Variants in ANO10 observed in about 807,000 individuals in gnomAD.
ANO10 encodes anoctamin 10.
A neutral mutation model predicts 74.7 loss-of-function variants in ANO10; 77 were observed. The observed-to-expected ratio is 1.03, with a 90% confidence interval of 0.86 to 1.25. The LOEUF (loss-of-function observed/expected upper bound fraction) is 1.25. ANO10 is among the 50% of genes most tolerant of loss of function. The pLI, the probability that ANO10 is intolerant of heterozygous loss-of-function variation, is 0.00. For missense variants in ANO10, 721 were observed against 778.1 expected (o/e 0.93, Z 0.87); for synonymous variants, 279 against 284.9 (o/e 0.98, Z 0.21).
chr3:43,670,033 A>G (rs1450884647), intron 1 of ANO10, among the ~76,000 whole-genome samples: 2 of 151,800 alleles, frequency 1.3e-5, no homozygotes, highest in African/African-American at 2.4e-5. Context: ...TTTTTAGTTT[A>G]TTTTTAAATA....
intron 11 of ANO10, among the ~76,000 whole-genome samples, chr3:43,457,787 C>T (rs894067105): frequency 6.6e-6 from 1 of 152,180 alleles, no homozygotes; most frequent in African/African-American, 2.4e-5. Context: ...AGGAGGAGAT[C>T]AGTACCAGGT....
chr3:43,424,869 G>A (rs1389243684), intron 12 of ANO10: 1 of 152,182 alleles, frequency 6.6e-6, no homozygotes, highest in African/African-American at 2.4e-5. Flanking sequence ...GTGGTGACAG[G>A]GCTGGAAGAC....
intron 1 of ANO10, among the ~76,000 whole-genome samples, chr3:43,689,792 C>A (rs540416755): frequency 6.6e-6 from 1 of 152,248 alleles, no homozygotes; most frequent in South Asian, 2.1e-4. Flanking sequence ...GGAAGGAGAA[C>A]AATGAACTGA....
intron 1 of ANO10, among the ~76,000 whole-genome samples, chr3:43,632,356 G>C (rs1338999193): frequency 1.3e-5 from 2 of 152,216 alleles, no homozygotes; most frequent in African/African-American, 2.4e-5. Flanking sequence ...AGTGAGGTCA[G>C]AGTATTTGTT....
intron 12 of ANO10, among the ~76,000 whole-genome samples, chr3:43,370,375 G>T (rs2091565205): frequency 1.3e-5 from 2 of 152,210 alleles, no homozygotes; most frequent in African/African-American, 4.8e-5. Context: ...GCAAGTCTCT[G>T]ATTTGTTGTC....
At chr3:43,544,575 T>C (rs927466900) in intron 11 of ANO10, among the ~76,000 whole-genome samples, 2 of 151,996 alleles carry the variant, frequency 1.3e-5, no homozygotes, top group Non-Finnish European at 2.9e-5. Context: ...GGCAGATCAC[T>C]TGAGGTCAGG....
chr3:43,688,944 G>A (rs1033992179), intron 1 of ANO10, among the ~76,000 whole-genome samples: 1 of 152,112 alleles, frequency 6.6e-6, no homozygotes, highest in African/African-American at 2.4e-5. Context: ...GTATCAGCTT[G>A]GCTTCTGGAA....
In ANO10 at chr3:43,657,598, G is replaced by A. The variant is rs558646068; in HGVS notation, c.-12+33919C>T. Among the ~76,000 whole-genome samples the A allele has an allele frequency of 3.3e-5, 5 of 152,334 alleles. No homozygotes were observed. The South Asian group carries it at 8.3e-4, about 25-fold the overall frequency. On this transcript the variant is annotated intron_variant, in intron 1 of 3. Coordinates refer to the ANO10 transcript ENST00000413397. ...CTTCTTGGAATATGAATCTTGAACTGAGGAATAAAGAGACAGAAAACTAGT... is the reference window on the plus strand; with the variant it reads ...CTTCTTGGAATATGAATCTTGAACTAAGGAATAAAGAGACAGAAAACTAGT...
intron 12 of ANO10, among the ~76,000 whole-genome samples, chr3:43,399,286 T>C (rs753471895): frequency 9.9e-5 from 15 of 152,274 alleles, no homozygotes; most frequent in South Asian, 2.1e-4. Flanking sequence ...TTGACAATCA[T>C]GCTTTTAGTT....
At chr3:43,661,971 C>T (rs1016608636) in intron 1 of ANO10, among the ~76,000 whole-genome samples, 2 of 152,008 alleles carry the variant, frequency 1.3e-5, no homozygotes, top group African/African-American at 4.8e-5. Flanking sequence ...ACTGTAACAC[C>T]CCACTGTCAA....
chr3:43,551,560 T>G (rs1259941513), intron 10 of ANO10: 8 of 457,134 alleles, frequency 1.8e-5, no homozygotes, highest in South Asian at 1.2e-4. Flanking sequence ...CAGCCCTCTC[T>G]TTACACCTGT....
chr3:43,591,932 G>A (rs1003587026), intron 4 of ANO10, among the ~76,000 whole-genome samples: 2 of 152,164 alleles, frequency 1.3e-5, no homozygotes, highest in Non-Finnish European at 2.9e-5. Flanking sequence ...CTTAGCAAAC[G>A]GCACACCAGG....
intron 12 of ANO10, among the ~76,000 whole-genome samples, chr3:43,375,197 G>A (rs1162391623): frequency 6.6e-6 from 1 of 151,994 alleles, no homozygotes; most frequent in Non-Finnish European, 1.5e-5. Flanking sequence ...GGTAATCCCA[G>A]CACTTTGGGA....
intron 11 of ANO10, among the ~76,000 whole-genome samples, chr3:43,541,325 G>T (rs913840218): frequency 6.6e-6 from 1 of 152,180 alleles, no homozygotes; most frequent in Non-Finnish European, 1.5e-5. Flanking sequence ...GCCAGGCACT[G>T]TACTAAACAT....
chr3:43,417,499 G>C (rs978629072), intron 12 of ANO10, among the ~76,000 whole-genome samples: 1 of 152,056 alleles, frequency 6.6e-6, no homozygotes, highest in African/African-American at 2.4e-5. Flanking sequence ...TTTCCTCTCG[G>C]AAGTCCCCTC....
At chr3:43,546,947 T>C (rs982639780) in intron 11 of ANO10, among the ~76,000 whole-genome samples, 3 of 152,068 alleles carry the variant, frequency 2.0e-5, no homozygotes, top group Non-Finnish European at 2.9e-5. Context: ...AAGCTGAGCA[T>C]GCCCCAAATG....
chr3:43,687,446 G>A (rs1320610353), intron 1 of ANO10, among the ~76,000 whole-genome samples: 1 of 152,234 alleles, frequency 6.6e-6, no homozygotes, highest in African/African-American at 2.4e-5. Context: ...TACTATTGGA[G>A]GGCTGGAAAT....
chr3:43,667,383 C>T (rs985169864), intron 1 of ANO10, among the ~76,000 whole-genome samples: 2 of 152,036 alleles, frequency 1.3e-5, no homozygotes, highest in African/African-American at 2.4e-5. Context: ...GCCACTGCAC[C>T]CAGCCCAATC....
At chr3:43,518,496 T>C (rs1209785092) in intron 11 of ANO10, among the ~76,000 whole-genome samples, 1 of 152,162 alleles carries the variant, frequency 6.6e-6, no homozygotes, top group Non-Finnish European at 1.5e-5. Flanking sequence ...TGGCTGCGAT[T>C]TTCAGGGAAC....
Sources: gnomAD v4.1 joint callset for allele counts (sites outside exome capture counted in the v4.1 genomes callset) on GRCh38, gnomAD v4.1.1 for gene constraint, MANE v1.5 for transcripts, NCBI Gene and HGNC (gene_info 2026-07-23, HGNC 2026-07-21) for gene names.